The following MACROD2 variants were observed in gnomAD, a reference collection of about 807,000 sequenced individuals.
The protein encoded by MACROD2 is ADP-ribose glycohydrolase MACROD2.
In MACROD2, 36 loss-of-function variants were observed where a neutral mutation model predicts 70.4. That is an observed-to-expected ratio of 0.51 (90% confidence interval 0.39 to 0.68). The LOEUF (loss-of-function observed/expected upper bound fraction) is 0.68. MACROD2 is among the 30% of genes least tolerant of loss of function. The probability of loss-of-function intolerance (pLI) is 0.00; values close to 1 mark genes in which losing one functional copy is unlikely to be tolerated. For synonymous variants in MACROD2, 172 were observed against 178.8 expected, an observed-to-expected ratio of 0.96 and a Z score of 0.30; for missense variants, 496 against 538.4, an observed-to-expected ratio of 0.92 and a Z score of 0.78.
chr20:15,151,848 T>G (rs995023653), intron 5 of MACROD2, among the ~76,000 whole-genome samples: 12 of 151,392 alleles, frequency 7.9e-5, no homozygotes, highest in Admixed American at 7.2e-4. Flanking sequence ...GTGATAAAAG[T>G]ATTATAGGGT....
chr20:14,901,889 G>T (rs1349266938), intron 5 of MACROD2, among the ~76,000 whole-genome samples: 1 of 152,032 alleles, frequency 6.6e-6, no homozygotes, highest in Non-Finnish European at 1.5e-5. Flanking sequence ...TTTGACTGTG[G>T]CCAAAGGTGG....
intron 5 of MACROD2, among the ~76,000 whole-genome samples, chr20:14,887,863 T>TAAA (rs11474913): frequency 2.9e-4 from 41 of 142,716 alleles, no homozygotes; most frequent in African/African-American, 1.1e-3. Context: ...AGAAAAGCAT[T>TAAA]AAAAAAAAAA....
At position 15,375,340 on chromosome 20, in the gene MACROD2, A is replaced by AT. The variant is rs199908458; in HGVS notation, c.541-56065_541-56064insT. Among the ~76,000 whole-genome samples the AT allele has an allele frequency of 4.4e-3, 663 of 152,310 alleles. 8 individuals carry two copies. The highest frequency in any genetic ancestry group is 0.034 in the Admixed American group (515 of 15,296). On this transcript the variant is annotated intron_variant, in intron 6 of 17. Coordinates refer to ENST00000684519, the MANE Select transcript of MACROD2 (RefSeq NM_001351661.2). ...AATAATCCACTATTGATTTGGAACA[A>AT]CAAGGTGAAGAAAATTAAGCCTCCC...
intron 3 of MACROD2, among the ~76,000 whole-genome samples, chr20:14,424,274 TC>T (rs1465090097): frequency 1.3e-5 from 2 of 152,096 alleles, no homozygotes; most frequent in South Asian, 2.1e-4. Flanking sequence ...AATAATTGTA[TC>T]CCCCTTTTTT....
chr20:15,250,566 A>G (rs1224231862), intron 6 of MACROD2, among the ~76,000 whole-genome samples: 1 of 152,224 alleles, frequency 6.6e-6, no homozygotes, highest in African/African-American at 2.4e-5. Context: ...ATGTGAAATA[A>G]TAAGCCTTTA....
intron 4 of MACROD2, among the ~76,000 whole-genome samples, chr20:14,642,097 C>T (rs1600490729): frequency 6.6e-6 from 1 of 152,206 alleles, no homozygotes; most frequent in African/African-American, 2.4e-5. Flanking sequence ...TTCTGGATAA[C>T]TTGCTGCATC....
chr20:14,082,570 C>G (rs1301907439), intron 2 of MACROD2, among the ~76,000 whole-genome samples: 4 of 152,050 alleles, frequency 2.6e-5, no homozygotes, highest in Non-Finnish European at 5.9e-5. Flanking sequence ...TTTAAAAATT[C>G]TATCACTGCA....
At chr20:15,737,490 G>A (rs1239616311) in intron 8 of MACROD2, among the ~76,000 whole-genome samples, 1 of 152,168 alleles carries the variant, frequency 6.6e-6, no homozygotes, top group Non-Finnish European at 1.5e-5. Flanking sequence ...GATATGGTGG[G>A]AAACACCAAC....
chr20:14,923,564 C>T (rs2074189861), intron 5 of MACROD2, among the ~76,000 whole-genome samples: 1 of 152,102 alleles, frequency 6.6e-6, no homozygotes, highest in Non-Finnish European at 1.5e-5. Flanking sequence ...CTTGACTACC[C>T]TGTTTCTCTT....
chr20:14,877,223 G>T (rs916631600), intron 5 of MACROD2, among the ~76,000 whole-genome samples: 1 of 151,928 alleles, frequency 6.6e-6, no homozygotes, highest in African/African-American at 2.4e-5. Flanking sequence ...GCTATTTTAA[G>T]TAGGATTACA....
intron 6 of MACROD2, among the ~76,000 whole-genome samples, chr20:15,398,436 G>C (rs1314405144): frequency 1.3e-5 from 2 of 152,146 alleles, no homozygotes; most frequent in Admixed American, 6.5e-5. Context: ...TACTCTCTAT[G>C]GTAAGTATAT....
At chr20:14,839,164 A>G (rs937326565) in intron 5 of MACROD2, among the ~76,000 whole-genome samples, 1 of 151,978 alleles carries the variant, frequency 6.6e-6, no homozygotes, top group Admixed American at 6.6e-5. Context: ...ATTATCCATA[A>G]AGAAGACAGC....
Position 15,938,475 on chromosome 20 carries a change from T to C in MACROD2, c.907+931T>C, listed in dbSNP as rs990941701. 2.0e-5 allele frequency among the ~76,000 whole-genome samples: 3 copies of C among 152,134 alleles called. No homozygotes were observed. The South Asian group carries it at 6.2e-4, about 32-fold the overall frequency. ...TGTAATGGTGATCAGTGATCAGTGATCTTTGGTGTTACTATTATAATTGTT... is the reference window on the plus strand; with the variant it reads ...TGTAATGGTGATCAGTGATCAGTGACCTTTGGTGTTACTATTATAATTGTT... On this transcript the variant is annotated intron_variant, in intron 12 of 17. Coordinates refer to ENST00000684519, the MANE Select transcript of MACROD2 (RefSeq NM_001351661.2).
chr20:15,277,533 T>C lies in MACROD2; in HGVS notation c.540+47472T>C, dbSNP rs142567170. ...CTCAAACTTAATGTTTGGAATCACC[T>C]GTGATCTTGTGAAAATACAGATTCT... On this transcript the variant is annotated intron_variant, in intron 6 of 17. Coordinates refer to ENST00000684519, the MANE Select transcript of MACROD2 (RefSeq NM_001351661.2). 1.8e-4 allele frequency among the ~76,000 whole-genome samples: 27 copies of C among 152,340 alleles called. No individual in the cohort carries two copies. The East Asian group carries it at 5.2e-3, about 29-fold the overall frequency.
rs144946404 is a variant in MACROD2 at position 14,093,107 on chromosome 20, A to G, written c.271+7379A>G. ...TTTACCTTATTTTTTAAAGACAGGAATCTCACTCTGTCACTCAGGCTGGAA... is the reference window on the plus strand; with the variant it reads ...TTTACCTTATTTTTTAAAGACAGGAGTCTCACTCTGTCACTCAGGCTGGAA... On this transcript the variant is annotated intron_variant, in intron 3 of 17. Transcript: ENST00000684519. Among the ~76,000 whole-genome samples the G allele has an allele frequency of 2.6e-5, 4 of 152,328 alleles. No homozygotes were observed. The East Asian group carries it at 5.8e-4, about 22-fold the overall frequency.
At chr20:15,567,882 A>G (rs956989511) in intron 8 of MACROD2, among the ~76,000 whole-genome samples, 1 of 152,232 alleles carries the variant, frequency 6.6e-6, no homozygotes, top group Non-Finnish European at 1.5e-5. Flanking sequence ...TTTAAGAAGA[A>G]GCTGGAAATT....
At chr20:14,332,993 A>G (rs1481192305) in intron 3 of MACROD2, among the ~76,000 whole-genome samples, 6 of 152,098 alleles carry the variant, frequency 3.9e-5, no homozygotes, top group African/African-American at 1.4e-4. Context: ...TGACAGCAAA[A>G]TGCTTTCTAA....
At chr20:14,613,113 G>T (rs1411108936) in intron 4 of MACROD2, among the ~76,000 whole-genome samples, 1 of 152,048 alleles carries the variant, frequency 6.6e-6, no homozygotes, top group Non-Finnish European at 1.5e-5. Flanking sequence ...ATTTCTAATA[G>T]GGTATTAAAA....
intron 8 of MACROD2, among the ~76,000 whole-genome samples, chr20:15,561,060 A>C (rs2048237245): frequency 6.6e-6 from 1 of 152,142 alleles, no homozygotes; most frequent in Non-Finnish European, 1.5e-5. Flanking sequence ...ACACTGTGAT[A>C]CTCTTGGTGT....
Sources: gnomAD v4.1 joint callset for allele counts (sites outside exome capture counted in the v4.1 genomes callset) on GRCh38, gnomAD v4.1.1 for gene constraint, MANE v1.5 for transcripts, NCBI Gene and HGNC (gene_info 2026-07-23, HGNC 2026-07-21) for gene names.